Variants in SND1 observed in about 807,000 individuals in gnomAD.
The protein encoded by SND1 is staphylococcal nuclease and tudor domain containing 1.
SND1 carries 38 observed loss-of-function variants against 121.7 expected under a neutral mutation model. The observed-to-expected ratio is 0.31, with a 90% CI of 0.24 to 0.41. The LOEUF (loss-of-function observed/expected upper bound fraction) is 0.41, where lower values mean the gene tolerates loss of function less well. Among genes scored for constraint, SND1 ranks in the 10% least tolerant of loss-of-function variants. The pLI is 1.00. For missense variants in SND1, 868 were observed against 1,184.6 expected (o/e 0.73, Z 3.92); for synonymous variants, 401 against 447.4 (o/e 0.90, Z 1.31).
intron 10 of SND1, among the ~76,000 whole-genome samples, chr7:127,796,178 A>G (rs531861130): frequency 1.1e-4 from 16 of 151,994 alleles, no homozygotes; most frequent in Non-Finnish European, 2.2e-4. Flanking sequence ...GTATAAAATC[A>G]TATTTAGTAA....
Position 127,741,566 on chromosome 7 carries a change from C to A in SND1, c.1152+20166C>A, listed in dbSNP as rs115382093. Among the ~76,000 whole-genome samples, 628 of 152,172 alleles carry A rather than the reference C, an allele frequency of 4.1e-3. 7 individuals are homozygous for A. Among genetic ancestry groups the A allele is most frequent in the African/African-American group, 0.015 (603 of 41,510 alleles). On this transcript the variant is annotated intron_variant, in intron 10 of 23. Transcript: ENST00000354725. ...CTAATTCTGAAAGAGGCTTGCAAGC[C>A]CCTGTGTTGACTGTTGCTTGGTGAG... is the stretch of plus-strand genomic sequence containing the variant.
chr7:127,996,398 T>C (rs1355853169), intron 16 of SND1, among the ~76,000 whole-genome samples: 1 of 152,202 alleles, frequency 6.6e-6, no homozygotes, highest in Non-Finnish European at 1.5e-5. Flanking sequence ...TCAATCTCTG[T>C]CCTTCTTGTG....
intron 16 of SND1, among the ~76,000 whole-genome samples, chr7:128,046,795 A>G (rs79419518): frequency 0.086 from 13,143 of 152,250 alleles, 1,010 homozygotes; most frequent in African/African-American, 0.2. Context: ...AAGACTAACT[A>G]TTTCCTTTGA....
At chr7:127,963,425 C>T (rs1671780466) in intron 15 of SND1, among the ~76,000 whole-genome samples, 1 of 138,806 alleles carries the variant, frequency 7.2e-6, no homozygotes, top group Admixed American at 7.3e-5. Context: ...CACCACAGTC[C>T]CCAGAGTGTG....
intron 21 of SND1, among the ~76,000 whole-genome samples, chr7:128,087,368 G>A (rs1037382804): frequency 6.6e-6 from 1 of 152,198 alleles, no homozygotes. Flanking sequence ...GCTTGGTGTC[G>A]TGGGGTTGTC....
chr7:127,967,856 A>G (rs2116880718), intron 15 of SND1, among the ~76,000 whole-genome samples: 1 of 152,334 alleles, frequency 6.6e-6, no homozygotes, highest in African/African-American at 2.4e-5. Flanking sequence ...TCGGACCATG[A>G]TTAAATATGC....
intron 4 of SND1, among the ~76,000 whole-genome samples, chr7:127,699,806 G>A (rs1796070707): frequency 6.6e-6 from 1 of 152,148 alleles, no homozygotes; most frequent in African/African-American, 2.4e-5. Flanking sequence ...TTATATGACT[G>A]TCATAGCTGT....
intron 14 of SND1, among the ~76,000 whole-genome samples, chr7:127,925,821 G>A (rs529620376): frequency 5.9e-5 from 9 of 151,764 alleles, no homozygotes; most frequent in African/African-American, 1.2e-4. Flanking sequence ...TCTCGAACTC[G>A]TGATCTCAGA....
intron 9 of SND1, among the ~76,000 whole-genome samples, chr7:127,714,976 CTT>C (rs1796362248): frequency 6.6e-6 from 1 of 152,166 alleles, no homozygotes; most frequent in Non-Finnish European, 1.5e-5. Flanking sequence ...ACAAATATCT[CTT>C]TGAGACCCTG....
At chr7:127,850,549 T>A (rs1003336689) in intron 12 of SND1, among the ~76,000 whole-genome samples, 1 of 152,180 alleles carries the variant, frequency 6.6e-6, no homozygotes, top group Non-Finnish European at 1.5e-5. Context: ...TACGCTTTAA[T>A]CATAGTCAAT....
chr7:128,087,147 A>G (rs1342458670), intron 21 of SND1, 96 bp downstream of exon 21: 2 of 900,950 alleles, frequency 2.2e-6, no homozygotes, highest in African/African-American at 1.7e-5. Context: ...GATGGAAACT[A>G]TGATGGTCTC....
At position 127,906,543 on chromosome 7, in the gene SND1, A is replaced by C. The variant is rs1486861458; in HGVS notation, c.1527+1724A>C. Among the ~76,000 whole-genome samples the C allele has an allele frequency of 2.6e-5, 4 of 152,158 alleles. No individual in the cohort carries two copies. The East Asian group carries it at 7.7e-4, about 29-fold the overall frequency. On this transcript the variant is annotated intron_variant, in intron 14 of 23. Coordinates refer to ENST00000354725, the MANE Select transcript of SND1 (RefSeq NM_014390.4). ...AAGTTATAAGTGCTTTGGAAAATGC[A>C]ATGAAAACCCGTCTACACAAAGGGC...
At chr7:128,004,958 T>G (rs1802924823) in intron 16 of SND1, among the ~76,000 whole-genome samples, 3 of 152,260 alleles carry the variant, frequency 2.0e-5, no homozygotes, top group South Asian at 2.1e-4. Flanking sequence ...TTTGTTATTT[T>G]CAAGTACGAA....
intron 1 of SND1, among the ~76,000 whole-genome samples, chr7:127,673,978 C>CTTCCTTCCCT (rs998151332): frequency 3.5e-4 from 53 of 151,064 alleles, no homozygotes; most frequent in African/African-American, 1.1e-3. Flanking sequence ...AAGAGTTTTC[C>CTTCCTTCCCT]TTCCTTCCCT....
intron 18 of SND1, chr7:128,081,862 C>T (rs757397082): frequency 2.0e-5 from 11 of 543,714 alleles, no homozygotes; most frequent in South Asian, 1.5e-4. Context: ...GATTTGTAGC[C>T]CCCAGAATCT....
intron 16 of SND1, among the ~76,000 whole-genome samples, chr7:128,007,673 TTTGTCAAACAAACTAAAATAGAGC>T (rs1458657667): frequency 6.6e-6 from 1 of 152,242 alleles, no homozygotes; most frequent in Admixed American, 6.5e-5. Context: ...TAGACGTTTC[TTTGTCAAACAAACTAAAATAGAGC>T]TTTTCCTTTG....
At chr7:127,778,492 C>T (rs1222207949) in intron 10 of SND1, among the ~76,000 whole-genome samples, 1 of 152,188 alleles carries the variant, frequency 6.6e-6, no homozygotes. Flanking sequence ...CCACCGCACT[C>T]GGTCTATTCA....
intron 16 of SND1, among the ~76,000 whole-genome samples, chr7:128,041,686 T>C (rs952219363): frequency 6.6e-6 from 1 of 152,194 alleles, no homozygotes; most frequent in Non-Finnish European, 1.5e-5. Flanking sequence ...ATGTACATAC[T>C]CTCTCACATT....
intron 22 of SND1, among the ~76,000 whole-genome samples, chr7:128,091,296 G>T (rs1793775397): frequency 6.6e-6 from 1 of 152,168 alleles, no homozygotes; most frequent in African/African-American, 2.4e-5. Flanking sequence ...ACGACTCACT[G>T]CAGCCTTCAA....
Sources: allele counts gnomAD v4.1 joint callset (sites outside exome capture counted in the v4.1 genomes callset), GRCh38; gene constraint gnomAD v4.1.1; transcripts MANE v1.5; gene names NCBI Gene and HGNC (gene_info 2026-07-23, HGNC 2026-07-21).